MROH7: variants seen among roughly 807,000 people sequenced by gnomAD.
MROH7 encodes maestro heat like repeat family member 7, also known as maestro heat-like repeat-containing protein family member 7.
A neutral mutation model predicts 129.2 loss-of-function variants in MROH7; 113 were observed. The observed-to-expected ratio is 0.87, with a 90% CI of 0.75 to 1.02. The LOEUF (loss-of-function observed/expected upper bound fraction) is 1.02, where lower values mean the gene tolerates loss of function less well. Among genes scored for constraint, MROH7 ranks in the 50% least tolerant of loss-of-function variants. The probability of loss-of-function intolerance (pLI) is 0.00; values close to 1 mark genes in which losing one functional copy is unlikely to be tolerated. For synonymous variants in MROH7, 655 were observed against 667.9 expected, an observed-to-expected ratio of 0.98 and a Z score of 0.30; for missense variants, 1,601 against 1,671.3, an observed-to-expected ratio of 0.96 and a Z score of 0.73.
chr1:54,678,661 T>C (rs1645018364), intron 10 of MROH7, 81 bp from the exon 11 acceptor site: 1 of 941,650 alleles, frequency 1.1e-6, no homozygotes, highest in African/African-American at 1.6e-5. Flanking sequence ...AGTTAGTTCC[T>C]TATGATGTAG....
At chr1:54,655,619 A>C (rs1644632010) in intron 3 of MROH7, among the ~76,000 whole-genome samples, 3 of 151,876 alleles carry the variant, frequency 2.0e-5, no homozygotes, top group Admixed American at 6.6e-5. Context: ...GCCTCAAGCT[A>C]TCCTCCCACC....
intron 13 of MROH7, among the ~76,000 whole-genome samples, chr1:54,680,466 C>T (rs1378446430): frequency 6.6e-6 from 1 of 152,142 alleles, no homozygotes; most frequent in African/African-American, 2.4e-5. Context: ...CCCATTTGTC[C>T]TCTCTTTCCC....
rs574835239 is a variant in MROH7 at position 54,672,607 on chromosome 1, C to T, written c.1600-484C>T. Among the ~76,000 whole-genome samples the T allele has an allele frequency of 3.1e-4, 47 of 152,214 alleles. 1 individual carries two copies. The East Asian group carries it at 5.4e-3, about 18-fold the overall frequency. On this transcript the variant is annotated intron_variant, in intron 7 of 23. Coordinates refer to ENST00000421030, the MANE Select transcript of MROH7 (RefSeq NM_001039464.4). ...TCAAAAAAGAATCAGAGCATTTCCCCGGAGATGATGAAAGTAAGATTGGCT... is the reference window on the plus strand; with the variant it reads ...TCAAAAAAGAATCAGAGCATTTCCCTGGAGATGATGAAAGTAAGATTGGCT...
intron 21 of MROH7, among the ~76,000 whole-genome samples, chr1:54,705,780 G>A (rs1645522955): frequency 6.6e-6 from 1 of 152,146 alleles, no homozygotes. Context: ...AGCTTTGCAT[G>A]CCAGGCCTAG....
rs377441304 is a variant in MROH7 at position 54,695,443 on chromosome 1, C to T, written c.2917C>T (p.Arg973Ter). The change falls in exon 17 of 24, where the codon CGA becomes TGA. Residue 973 changes from arginine to a stop codon, truncating the protein, a stop_gained. Transcript: ENST00000421030. LOFTEE classifies it high-confidence loss of function. ...ILYLLIPLLE[R>*]GDEKHRITAT... Reference sequence around the variant, plus strand: ...CTACCTGCTCATCCCGCTCCTGGAGCGAGGCGACGAGAAGCACAGGATCAC... The same window carrying T: ...CTACCTGCTCATCCCGCTCCTGGAGTGAGGCGACGAGAAGCACAGGATCAC... 8 of 1,613,892 alleles carry T rather than the reference C, an allele frequency of 5.0e-6. No homozygotes were observed. Among genetic ancestry groups the T allele is most frequent in the East Asian group, 2.2e-5 (1 of 44,866 alleles).
chr1:54,654,767 T>C (rs1192322581), intron 3 of MROH7, among the ~76,000 whole-genome samples: 1 of 152,184 alleles, frequency 6.6e-6, no homozygotes, highest in Non-Finnish European at 1.5e-5. Context: ...AAAATGTACA[T>C]CTTTTTCTTC....
Position 54,708,822 on chromosome 1 carries a change from A to G in MROH7, c.3668-192A>G, listed in dbSNP as rs186167477. Among the ~76,000 whole-genome samples, 549 of 152,216 alleles carry G rather than the reference A, an allele frequency of 3.6e-3. 8 individuals carry two copies. Among genetic ancestry groups the G allele is most frequent in the African/African-American group, 0.012 (516 of 41,548 alleles). The stretch of plus-strand genomic sequence containing the variant: ...CCCCTATCCTGGTGCCATCCTGCCC[A>G]CTGGACCAGTCATCCTTCCCAGGAC... On this transcript the variant is annotated intron_variant, in intron 22 of 23. Coordinates refer to ENST00000421030, the MANE Select transcript of MROH7 (RefSeq NM_001039464.4).
Position 54,653,575 on chromosome 1 carries a change from T to G in MROH7, c.649T>G (p.Leu217Val). ...TTCTCTGGACCTTGACTCCAATCCA[T>G]TGCTCAACATGGGCTCAAGAAACAC... The part of the protein sequence containing the change: ...NSSLDLDSNP[L>V]LNMGSRNTSK... The change falls in exon 3 of 24, where the codon TTG (leucine) becomes GTG (valine). Residue 217 changes from leucine to valine, a missense_variant. Coordinates refer to ENST00000421030, the MANE Select transcript of MROH7 (RefSeq NM_001039464.4). 1 of 1,614,152 alleles carries G rather than the reference T, an allele frequency of 6.2e-7. No homozygotes were observed.
intron 3 of MROH7, among the ~76,000 whole-genome samples, chr1:54,658,687 G>A (rs1644685029): frequency 6.6e-6 from 1 of 151,754 alleles, no homozygotes. Flanking sequence ...AGCTTCCCTT[G>A]TGTCCCTTTC....
chr1:54,689,190 C>G (rs1312412886), intron 15 of MROH7, among the ~76,000 whole-genome samples: 1 of 152,092 alleles, frequency 6.6e-6, no homozygotes, highest in African/African-American at 2.4e-5. Context: ...GAATCCAGTG[C>G]CAAGGGGCCT....
At chr1:54,675,851 G>A (rs951256682) in intron 10 of MROH7, among the ~76,000 whole-genome samples, 1 of 151,786 alleles carries the variant, frequency 6.6e-6, no homozygotes, top group African/African-American at 2.4e-5. Context: ...GACCAGGCTG[G>A]TCTCGAACTT....
chr1:54,659,830 G>A (rs531139627), intron 3 of MROH7, among the ~76,000 whole-genome samples: 1 of 152,304 alleles, frequency 6.6e-6, no homozygotes, highest in African/African-American at 2.4e-5. Flanking sequence ...TATTTCAATA[G>A]TAGATTGTTT....
At chr1:54,699,313 C>A (rs1645394108) in intron 17 of MROH7, 1 of 149,446 alleles carries the variant, frequency 6.7e-6, no homozygotes, top group South Asian at 2.1e-4. Context: ...TTATTTCCTT[C>A]TCTTTTCAAG....
At position 54,700,321 on chromosome 1, in the gene MROH7, C is replaced by T; in HGVS notation, c.2965C>T (p.Leu989Phe). ...RITATAFFVE[L>F]LQMEQVRRIP... is the part of the protein sequence containing the mutation. ...AAGTAATGACCCTTTGCTCCCTCAG[C>T]TCCTCCAGATGGAGCAGGTGCGCCG... The change falls in exon 18 of 24, where the codon CTC (leucine) becomes TTC (phenylalanine). Residue 989 changes from leucine (L) to phenylalanine (F), a missense_variant and splice_region_variant. Leu to Phe is a conservative substitution (Grantham distance 22, BLOSUM62 0). Transcript: ENST00000421030. 4.3e-6 allele frequency: 7 copies of T among 1,614,138 alleles called. No individual in the cohort carries two copies. The highest frequency in any genetic ancestry group is 5.9e-6 in the Non-Finnish European group (7 of 1,180,020).
At position 54,706,424 on chromosome 1, in the gene MROH7, C is replaced by T. The variant is rs1645535078; in HGVS notation, c.3565-11C>T. ...AGAGGCCAGCACTTTTGGGGTTTCTCTTTGTCCTAGGTGAACACCCACCGA... is the reference window on the plus strand; with the variant it reads ...AGAGGCCAGCACTTTTGGGGTTTCTTTTTGTCCTAGGTGAACACCCACCGA... On this transcript the variant is annotated splice_polypyrimidine_tract_variant and intron_variant, in intron 21 of 23. Transcript: ENST00000421030. The T allele has an allele frequency of 6.2e-7, 1 of 1,606,708 alleles. No homozygotes were observed. The highest frequency in any genetic ancestry group is 1.7e-5 in the Admixed American group (1 of 59,200).
At chr1:54,665,377 G>T (rs140680909) in intron 4 of MROH7, 137 bp downstream of exon 4, 6 of 613,918 alleles carry the variant, frequency 9.8e-6, no homozygotes, top group East Asian at 5.7e-5. Context: ...ATTCATTGCC[G>T]TCTGATGTGC....
intron 8 of MROH7, 105 bp from the exon 9 acceptor site, chr1:54,673,596 C>T (rs1048719613): frequency 5.0e-6 from 4 of 803,458 alleles, no homozygotes; most frequent in Non-Finnish European, 8.6e-6. Flanking sequence ...GACCTTTATA[C>T]CCTCTCTGGA....
At position 54,695,380 on chromosome 1, in the gene MROH7, A is replaced by G. The variant is rs1397268057; in HGVS notation, c.2854A>G (p.Met952Val). 2.5e-6 allele frequency: 4 copies of G among 1,607,926 alleles called. No homozygotes were observed. Among genetic ancestry groups the G allele is most frequent in the African/African-American group, 2.7e-5 (2 of 74,848 alleles). ...HRGVALLARA[M>V]VQYSCQELCR... ...ACTCCCCCTTCCCACCCCCAGGGCC[A>G]TGGTGCAGTACTCCTGCCAGGAGCT... The change falls in exon 17 of 24, where the codon ATG (methionine) becomes GTG (valine). Residue 952 changes from methionine to valine, a missense_variant. Met to Val is a conservative substitution (Grantham distance 21). Coordinates refer to ENST00000421030, the MANE Select transcript of MROH7 (RefSeq NM_001039464.4).
chr1:54,645,434 C>A (rs2101050491), intron 1 of MROH7, among the ~76,000 whole-genome samples: 1 of 152,030 alleles, frequency 6.6e-6, no homozygotes, highest in African/African-American at 2.4e-5. Context: ...TATGCACCAC[C>A]ATGTCCAGCC....
Sources: gnomAD v4.1 joint callset for allele counts (sites outside exome capture counted in the v4.1 genomes callset) on GRCh38, gnomAD v4.1.1 for gene constraint, MANE v1.5 for transcripts, NCBI Gene and HGNC (gene_info 2026-07-23, HGNC 2026-07-21) for gene names.